Variants in CDK11A observed in about 807,000 individuals in gnomAD.
CDK11A encodes the protein cyclin-dependent kinase 11A.
A neutral mutation model predicts 83.6 loss-of-function variants in CDK11A; 55 were observed. The observed-to-expected ratio is 0.66, with a 90% CI of 0.53 to 0.82. The LOEUF (loss-of-function observed/expected upper bound fraction) is 0.82. CDK11A is among the 40% of genes least tolerant of loss of function. The pLI is 0.00. For synonymous variants in CDK11A, 247 were observed against 302.7 expected (o/e 0.82, Z 1.91); for missense variants, 564 against 810.1 (o/e 0.70, Z 3.69).
At chr1:1,721,212 T>C (rs1424131900) in intron 3 of CDK11A, among the ~76,000 whole-genome samples, 2 of 146,588 alleles carry the variant, frequency 1.4e-5, no homozygotes, top group Non-Finnish European at 3.0e-5. Context: ...AAAAAAAGAG[T>C]ACACTTCAGT....
chr1:1,723,930 G>A (rs1265957626), intron 1 of CDK11A: 2 of 135,130 alleles, frequency 1.5e-5, no homozygotes, highest in Non-Finnish European at 3.2e-5. Context: ...GAAGCCACTA[G>A]CACACTGGAC....
intron 4 of CDK11A, among the ~76,000 whole-genome samples, chr1:1,718,284 T>C (rs1261330119): frequency 6.7e-6 from 1 of 148,408 alleles, no homozygotes; most frequent in Non-Finnish European, 1.5e-5. Context: ...TTTCGGTCTG[T>C]GACACACGCA....
At chr1:1,720,305 G>T (rs1404363538) in intron 3 of CDK11A, among the ~76,000 whole-genome samples, 6 of 150,102 alleles carry the variant, frequency 4.0e-5, no homozygotes, top group African/African-American at 1.5e-4. Flanking sequence ...CACTGTGTTA[G>T]CCAGGGTGGT....
At chr1:1,714,865 G>C (rs1023910838) in intron 5 of CDK11A, among the ~76,000 whole-genome samples, 8 of 147,810 alleles carry the variant, frequency 5.4e-5, no homozygotes, top group Non-Finnish European at 1.1e-4. Context: ...TCCAGTCTCT[G>C]CTGCACGTCT....
rs1005260025 is a variant in CDK11A at position 1,717,321 on chromosome 1, T to C, written c.356-843A>G. On this transcript the variant is annotated intron_variant, in intron 4 of 19. Coordinates refer to ENST00000404249, the MANE Select transcript of CDK11A (RefSeq NM_024011.4). ...CACTGTGCAATGAAGCCACATTAAT[T>C]AATCAAGCGTATTTATAATAATGAG... is the stretch of plus-strand genomic sequence containing the variant. 4.0e-5 allele frequency among the ~76,000 whole-genome samples: 6 copies of C among 151,158 alleles called. No individual in the cohort carries two copies. The South Asian group carries it at 8.4e-4, about 21-fold the overall frequency.
Position 1,703,544 on chromosome 1 carries a change from G to A in CDK11A, c.1992C>T (p.His664=), listed in dbSNP as rs750887346. The change falls in exon 18 of 20, where the codon CAC becomes CAT. Residue 664 remains histidine (H), a synonymous_variant. Coordinates refer to ENST00000404249, the MANE Select transcript of CDK11A (RefSeq NM_024011.4). ...PVVKKMTFSE[H]PYNNLRKRFG... ...AGCGCTTGCGGAGGTTGTTGTAGGG[G>A]TGCTCGCTGAAGGTCATCTTTTTGA... is the stretch of plus-strand genomic sequence containing the variant. 3 of 1,565,900 alleles carry A rather than the reference G, an allele frequency of 1.9e-6. No individual in the cohort carries two copies. Among genetic ancestry groups the A allele is most frequent in the South Asian group, 1.2e-5 (1 of 85,492 alleles).
At chr1:1,721,863 A>G (rs1644918684) in intron 2 of CDK11A, 152 bp from the exon 3 acceptor site, 1 of 1,176,564 alleles carries the variant, frequency 8.5e-7, no homozygotes, top group East Asian at 2.7e-5. Flanking sequence ...AATATAAAGA[A>G]TTTTTGGCCA....
chr1:1,706,644 G>A lies in CDK11A; in HGVS notation c.1245+765C>T, dbSNP rs186501509. ...TGAGGACGGGCCCTACCTGCCAGGC[G>A]CAGCATGATGCCCCATGCCAGGGCA... On this transcript the variant is annotated intron_variant, in intron 11 of 19. Coordinates refer to ENST00000404249, the MANE Select transcript of CDK11A (RefSeq NM_024011.4). Among the ~76,000 whole-genome samples, 248 of 151,534 alleles carry A rather than the reference G, an allele frequency of 1.6e-3. 9 individuals are homozygous for A. Among genetic ancestry groups the A allele is most frequent in the African/African-American group, 5.4e-3 (224 of 41,358 alleles).
At chr1:1,710,691 G>A (rs1001692248) in intron 6 of CDK11A, among the ~76,000 whole-genome samples, 3 of 150,934 alleles carry the variant, frequency 2.0e-5, no homozygotes, top group Admixed American at 1.3e-4. Context: ...TTAGGGAACT[G>A]TCTTAAACCT....
rs147718820 is a variant in CDK11A at position 1,706,870 on chromosome 1, C to T, written c.1245+539G>A. On this transcript the variant is annotated intron_variant, in intron 11 of 19. Coordinates refer to ENST00000404249, the MANE Select transcript of CDK11A (RefSeq NM_024011.4). ...ACCAAGGAGGGGGCCGAGTCCCTGCCGGTCTCCCAGGCCCCCGAGGCCACT... is the reference window on the plus strand; with the variant it reads ...ACCAAGGAGGGGGCCGAGTCCCTGCTGGTCTCCCAGGCCCCCGAGGCCACT... Among the ~76,000 whole-genome samples, 1,197 of 149,680 alleles carry T rather than the reference C, an allele frequency of 8.0e-3. 40 individuals carry two copies. The highest frequency in any genetic ancestry group is 0.027 in the African/African-American group (1,084 of 39,980).
In CDK11A at chr1:1,704,638, G is replaced by A. The variant is rs541502177; in HGVS notation, c.1476C>T (p.Ser492=). 8.7e-5 allele frequency: 139 copies of A among 1,598,250 alleles called. 4 individuals carry two copies. In the South Asian group the frequency reaches 1.5e-3, roughly 18 times the overall value. The change falls in exon 14 of 20, where the codon AGC becomes AGT. Residue 492 remains serine (S), a synonymous_variant. Coordinates refer to ENST00000404249, the MANE Select transcript of CDK11A (RefSeq NM_024011.4). Reference sequence around the variant, plus strand: ...TCACGATGTAGATCTTGTCCATGTTGCTGCCCACCACAATCTCCTGCAGGG... The same window carrying A: ...TCACGATGTAGATCTTGTCCATGTTACTGCCCACCACAATCTCCTGCAGGG... ...IVTVREIVVG[S]NMDKIYIVMN...
At chr1:1,706,658 C>T (rs1204987468) in intron 11 of CDK11A, among the ~76,000 whole-genome samples, 1 of 151,436 alleles carries the variant, frequency 6.6e-6, no homozygotes, top group African/African-American at 2.4e-5. Flanking sequence ...CATGATGCCC[C>T]ATGCCAGGGC....
chr1:1,704,499 A>G (rs758092689), intron 14 of CDK11A, 51 bp downstream of exon 14: 5 of 1,580,134 alleles, frequency 3.2e-6, no homozygotes, highest in Non-Finnish European at 2.6e-6. Context: ...GGGGGTGACC[A>G]GGACACTGCC....
intron 2 of CDK11A, chr1:1,721,918 G>A (rs566023232): frequency 4.8e-5 from 28 of 584,220 alleles, no homozygotes; most frequent in South Asian, 4.7e-4. Context: ...TTGGGAGGCC[G>A]AGGCGGGTGG....
intron 11 of CDK11A, among the ~76,000 whole-genome samples, chr1:1,706,407 G>A (rs1408459715): frequency 1.3e-5 from 2 of 151,380 alleles, no homozygotes; most frequent in African/African-American, 2.4e-5. Flanking sequence ...AAATTAGCCA[G>A]GCATGGTGGC....
At chr1:1,716,614 A>T (rs1232018312) in intron 4 of CDK11A, 136 bp from the exon 5 acceptor site, 1 of 794,280 alleles carries the variant, frequency 1.3e-6, no homozygotes, top group Admixed American at 2.7e-5. Flanking sequence ...AGGAGTTCAA[A>T]ACCAGCCTGG....
Position 1,721,605 on chromosome 1 carries a change from A to G in CDK11A, c.218T>C (p.Met73Thr). 1.2e-6 allele frequency: 2 copies of G among 1,607,076 alleles called. No homozygotes were observed. Among genetic ancestry groups the G allele is most frequent in the Non-Finnish European group, 1.7e-6 (2 of 1,174,838 alleles). The part of the protein sequence containing the change: ...RNSPYRREDS[M>T]EDRGEEDDSL... ...CTGTACATCCGCTCACCTGTCTTCC[A>G]TTGAGTCTTCTCTTCTATACGGGGA... is the stretch of plus-strand genomic sequence containing the variant. Residue 73 changes from methionine (M) to threonine (T), a missense_variant, in exon 3 of 20, where the codon ATG becomes ACG. By Grantham distance (81) the Met-to-Thr change is moderately conservative. Transcript: ENST00000404249.
At chr1:1,721,888 C>T (rs1255986676) in intron 2 of CDK11A, 177 bp from the exon 3 acceptor site, 19 of 745,436 alleles carry the variant, frequency 2.5e-5, no homozygotes, top group South Asian at 1.8e-4. Flanking sequence ...CAGTGGCTCA[C>T]GCTTGTTAAT....
At chr1:1,705,047 C>T (rs748936245) in intron 12 of CDK11A, 22 bp from the exon 13 acceptor site, 1 of 1,586,044 alleles carries the variant, frequency 6.3e-7, no homozygotes, top group Non-Finnish European at 8.5e-7. Context: ...ATACAGACGG[C>T]ACTGAGAGGC....
Sources: gnomAD v4.1 joint callset for allele counts (sites outside exome capture counted in the v4.1 genomes callset) on GRCh38, gnomAD v4.1.1 for gene constraint, MANE v1.5 for transcripts, NCBI Gene and HGNC (gene_info 2026-07-23, HGNC 2026-07-21) for gene names.